The following SI variants were observed in gnomAD, a reference collection of about 807,000 sequenced individuals.
SI encodes sucrase-isomaltase.
A neutral mutation model predicts 253.3 loss-of-function variants in SI; 235 were observed. The ratio of observed to expected loss-of-function variants is 0.93; its 90% CI spans 0.83 to 1.03. The LOEUF (loss-of-function observed/expected upper bound fraction) is 1.03, where lower values mean the gene tolerates loss of function less well. SI is among the 50% of genes least tolerant of loss of function. The probability of loss-of-function intolerance (pLI) is 0.00; values close to 1 mark genes in which losing one functional copy is unlikely to be tolerated. For missense variants in SI, 2,442 were observed against 2,211.1 expected, an observed-to-expected ratio of 1.10 and a Z score of -2.09; for synonymous variants, 819 against 712.0, an observed-to-expected ratio of 1.15 and a Z score of -2.39.
intron 3 of SI, among the ~76,000 whole-genome samples, chr3:165,074,074 T>G (rs1490322674): frequency 2.0e-5 from 3 of 152,126 alleles, no homozygotes; most frequent in Non-Finnish European, 4.4e-5. Flanking sequence ...TTTCTCCATT[T>G]TCTCTTCTTC....
intron 37 of SI, among the ~76,000 whole-genome samples, chr3:165,001,851 GC>G (rs1160663857): frequency 1.3e-5 from 2 of 151,118 alleles, no homozygotes; most frequent in Admixed American, 6.6e-5. Flanking sequence ...AGTTTACAAT[GC>G]CCCCACTTCA....
intron 45 of SI, among the ~76,000 whole-genome samples, chr3:164,986,573 A>C (rs1339427803): frequency 1.3e-5 from 2 of 152,178 alleles, no homozygotes; most frequent in African/African-American, 4.8e-5. Context: ...ATTGAACCTA[A>C]GAATAAAGCC....
intron 22 of SI, among the ~76,000 whole-genome samples, chr3:165,034,597 C>T (rs918871812): frequency 6.6e-6 from 1 of 151,952 alleles, no homozygotes; most frequent in South Asian, 2.1e-4. Context: ...AGTGTGCTTA[C>T]ACCCCAGGGT....
At chr3:165,073,519 A>C (rs944329222) in intron 3 of SI, among the ~76,000 whole-genome samples, 2 of 152,052 alleles carry the variant, frequency 1.3e-5, no homozygotes, top group Admixed American at 6.6e-5. Context: ...TGATGTAGGG[A>C]AGACAGAATA....
intron 25 of SI, among the ~76,000 whole-genome samples, chr3:165,024,220 C>CT (rs1475635783): frequency 2.0e-5 from 3 of 151,348 alleles, no homozygotes; most frequent in East Asian, 2.0e-4. Context: ...CTCAATCCTT[C>CT]TTTTTTTAAC....
At chr3:165,078,592 A>T (rs904018324), upstream of SI, 1 of 151,894 alleles carries the variant, frequency 6.6e-6, no homozygotes, top group Non-Finnish European at 1.5e-5. Flanking sequence ...TCTGCTCAAC[A>T]TACAATTGTT....
intron 38 of SI, among the ~76,000 whole-genome samples, chr3:164,997,026 C>A (rs1365018676): frequency 6.6e-6 from 1 of 151,634 alleles, no homozygotes; most frequent in African/African-American, 2.4e-5. Flanking sequence ...CATATTCAGA[C>A]AACAAATACA....
intron 13 of SI, among the ~76,000 whole-genome samples, chr3:165,051,814 G>C (rs1713447221): frequency 6.6e-6 from 1 of 151,394 alleles, no homozygotes; most frequent in South Asian, 2.1e-4. Flanking sequence ...ACATTATTAT[G>C]TAATTTAAGG....
At chr3:164,982,187 C>T (rs41273559) in intron 47 of SI, 56 bp downstream of exon 47, 11 of 1,316,358 alleles carry the variant, frequency 8.4e-6, no homozygotes, top group Non-Finnish European at 1.1e-5. Flanking sequence ...ATAAGAAGTC[C>T]ATGTAGATGC....
chr3:165,073,944 T>C (rs965473654), intron 3 of SI, among the ~76,000 whole-genome samples: 4 of 151,976 alleles, frequency 2.6e-5, no homozygotes, highest in African/African-American at 7.2e-5. Flanking sequence ...TCCCCGAGGA[T>C]ACCCATGAAG....
intron 9 of SI, among the ~76,000 whole-genome samples, chr3:165,061,370 C>T (rs1713978654): frequency 6.6e-6 from 1 of 151,896 alleles, no homozygotes; most frequent in Non-Finnish European, 1.5e-5. Flanking sequence ...CAGCCTAGAA[C>T]TGTAATTATG....
chr3:165,003,592 C>T (rs987480216), intron 37 of SI, among the ~76,000 whole-genome samples: 8 of 151,918 alleles, frequency 5.3e-5, no homozygotes, highest in South Asian at 2.1e-4. Flanking sequence ...TTTTACTAAG[C>T]GAGAAATTTT....
Position 165,046,906 on chromosome 3 carries a change from A to G in SI, c.1822T>C (p.Ser608Pro). The change falls in exon 16 of 48, where the codon TCA becomes CCA. Residue 608 changes from serine (S) to proline (P), a missense_variant. Physicochemically the swap from Ser to Pro is moderately conservative, Grantham distance 74 (BLOSUM62 -1). Transcript: ENST00000264382. ...ATAGACCATTCCATTTGTTCCCATG[A>G]AGCAGTATTGTCTCCTAACCAATGC... ...AAHWLGDNTA[S>P]WEQMEWSITG... 2.5e-6 allele frequency: 4 copies of G among 1,613,312 alleles called. No individual in the cohort carries two copies. Among genetic ancestry groups the G allele is most frequent in the South Asian group, 1.1e-5 (1 of 91,004 alleles).
At chr3:165,045,838 AT>A (rs1450312302) in intron 16 of SI, among the ~76,000 whole-genome samples, 1 of 133,896 alleles carries the variant, frequency 7.5e-6, no homozygotes, top group Non-Finnish European at 1.6e-5. Context: ...ATTTGATAAT[AT>A]GTTTTTCAAT....
At chr3:165,070,124 G>T (rs1235597337) in intron 3 of SI, among the ~76,000 whole-genome samples, 2 of 145,360 alleles carry the variant, frequency 1.4e-5, no homozygotes, top group African/African-American at 2.5e-5. Context: ...TATTTAAATA[G>T]ATAAGTATAT....
chr3:165,008,017 A>T lies in SI; in HGVS notation c.4180-19T>A. 2 of 1,280,260 alleles carry T rather than the reference A, an allele frequency of 1.6e-6. No homozygotes were observed. The highest frequency in any genetic ancestry group is 2.3e-6 in the Non-Finnish European group (2 of 879,032). The allele number at this position is 1,280,260 out of a possible 1,614,324, so 79.3% of individuals were successfully genotyped here. A position where few individuals can be genotyped will look rare whatever the true frequency, so the allele number is the denominator to read the frequency against. On this transcript the variant is annotated intron_variant, in intron 35 of 47. Coordinates refer to ENST00000264382, the MANE Select transcript of SI (RefSeq NM_001041.4). ...TCATATCCTTAAAAAAAGATGAAAG[A>T]AAAAGGTAAACAAAAGATAAATTTA...
At chr3:164,983,774 G>A (rs1414677448) in intron 45 of SI, among the ~76,000 whole-genome samples, 1 of 151,550 alleles carries the variant, frequency 6.6e-6, no homozygotes, top group Non-Finnish European at 1.5e-5. Flanking sequence ...TTTTAATTTT[G>A]TAGAGGCAGG....
At chr3:165,017,153 A>T (rs1033180883) in intron 31 of SI, among the ~76,000 whole-genome samples, 8 of 151,886 alleles carry the variant, frequency 5.3e-5, no homozygotes, top group African/African-American at 1.9e-4. Context: ...CAAAAAAAAA[A>T]TTAGTTCCAC....
intron 28 of SI, 86 bp downstream of exon 28, chr3:165,019,516 C>A: frequency 8.1e-7 from 1 of 1,229,574 alleles, no homozygotes; most frequent in Non-Finnish European, 1.2e-6. Context: ...TTACTTCAAT[C>A]CTAAAGCACA....
Sources: allele counts gnomAD v4.1 joint callset (sites outside exome capture counted in the v4.1 genomes callset), GRCh38; gene constraint gnomAD v4.1.1; transcripts MANE v1.5; gene names NCBI Gene and HGNC (gene_info 2026-07-23, HGNC 2026-07-21).